CCSER1: variants seen among roughly 807,000 people sequenced by gnomAD.
CCSER1 encodes coiled-coil serine rich protein 1.
A neutral mutation model predicts 82.0 loss-of-function variants in CCSER1; 41 were observed. That is an observed-to-expected ratio of 0.50 (90% CI 0.39 to 0.65). The LOEUF is 0.65. Among genes scored for constraint, CCSER1 ranks in the 30% least tolerant of loss-of-function variants. The pLI is 0.00. For synonymous variants in CCSER1, 414 were observed against 383.9 expected, an observed-to-expected ratio of 1.08 and a Z score of -0.92; for missense variants, 1,119 against 1,064.2, an observed-to-expected ratio of 1.05 and a Z score of -0.72.
At chr4:90,217,518 A>G (rs1578549076) in intron 1 of CCSER1, among the ~76,000 whole-genome samples, 1 of 152,020 alleles carries the variant, frequency 6.6e-6, no homozygotes, top group Non-Finnish European at 1.5e-5. Context: ...CTTTCTAGGT[A>G]TAGAATTATA....
intron 5 of CCSER1, among the ~76,000 whole-genome samples, chr4:90,560,837 A>AT (rs1368609111): frequency 2.0e-5 from 3 of 152,132 alleles, no homozygotes; most frequent in African/African-American, 7.2e-5. Context: ...AAGACTGAAA[A>AT]TGTTGCTAAT....
chr4:90,938,050 A>C (rs1269709869), intron 9 of CCSER1, among the ~76,000 whole-genome samples: 1 of 152,122 alleles, frequency 6.6e-6, no homozygotes, highest in Non-Finnish European at 1.5e-5. Flanking sequence ...CTTGCAAATT[A>C]TACTTCTTTT....
At chr4:90,829,067 G>A (rs1760819934) in intron 8 of CCSER1, among the ~76,000 whole-genome samples, 1 of 152,034 alleles carries the variant, frequency 6.6e-6, no homozygotes, top group Admixed American at 6.6e-5. Flanking sequence ...GAGGAAAACA[G>A]AGCTATGAAA....
At chr4:90,627,650 C>T (rs1455868617) in intron 5 of CCSER1, among the ~76,000 whole-genome samples, 1 of 151,964 alleles carries the variant, frequency 6.6e-6, no homozygotes, top group East Asian at 1.9e-4. Context: ...TGAACCATTT[C>T]ATAATTTCTA....
intron 4 of CCSER1, among the ~76,000 whole-genome samples, chr4:90,413,347 C>T (rs902094519): frequency 6.6e-6 from 1 of 152,094 alleles, no homozygotes. Flanking sequence ...ATGGGTAGAA[C>T]CATTATCGTG....
chr4:90,450,821 C>T (rs1560536860), intron 4 of CCSER1, among the ~76,000 whole-genome samples: 1 of 152,090 alleles, frequency 6.6e-6, no homozygotes, highest in Non-Finnish European at 1.5e-5. Context: ...TGCGATTGGG[C>T]CTCTGATAGT....
intron 2 of CCSER1, among the ~76,000 whole-genome samples, chr4:90,310,644 T>C (rs1305037300): frequency 6.6e-6 from 1 of 152,144 alleles, no homozygotes; most frequent in African/African-American, 2.4e-5. Context: ...TTTCCCATTT[T>C]ACAAATGTGA....
At chr4:90,272,528 A>G (rs937964599) in intron 1 of CCSER1, among the ~76,000 whole-genome samples, 1 of 152,180 alleles carries the variant, frequency 6.6e-6, no homozygotes, top group Non-Finnish European at 1.5e-5. Context: ...AAATAGAGCT[A>G]CCATATGACC....
intron 4 of CCSER1, among the ~76,000 whole-genome samples, chr4:90,411,673 T>A (rs1754841440): frequency 6.6e-6 from 1 of 152,192 alleles, no homozygotes; most frequent in Non-Finnish European, 1.5e-5. Flanking sequence ...TCATACTGAA[T>A]GGACAAAAAC....
At chr4:90,180,602 T>C (rs1208039933) in intron 1 of CCSER1, among the ~76,000 whole-genome samples, 1 of 151,720 alleles carries the variant, frequency 6.6e-6, no homozygotes, top group Non-Finnish European at 1.5e-5. Flanking sequence ...AAAAAAAAAT[T>C]TGTTTATCTC....
intron 10 of CCSER1, among the ~76,000 whole-genome samples, chr4:91,217,880 C>CTAGATATA (rs1737387553): frequency 6.6e-6 from 1 of 152,264 alleles, no homozygotes; most frequent in Non-Finnish European, 1.5e-5. Context: ...CCACTCCCCA[C>CTAGATATA]CAGACTCAGG....
At chr4:90,998,158 G>T (rs939757349) in intron 9 of CCSER1, among the ~76,000 whole-genome samples, 6 of 151,712 alleles carry the variant, frequency 4.0e-5, no homozygotes, top group African/African-American at 1.5e-4. Context: ...TTGGCTCACC[G>T]CAACCTCTGC....
At chr4:90,276,330 T>C in intron 1 of CCSER1, among the ~76,000 whole-genome samples, 1 of 143,982 alleles carries the variant, frequency 6.9e-6, no homozygotes, top group African/African-American at 2.7e-5. Context: ...TCTTTCTTTC[T>C]TTCTTTCTTC....
At chr4:91,079,843 G>T (rs1722492447) in intron 9 of CCSER1, among the ~76,000 whole-genome samples, 1 of 152,096 alleles carries the variant, frequency 6.6e-6, no homozygotes, top group African/African-American at 2.4e-5. Context: ...ATGGTAAAGG[G>T]ATCAATTCAA....
intron 9 of CCSER1, among the ~76,000 whole-genome samples, chr4:90,979,761 G>A (rs1476100719): frequency 1.3e-5 from 2 of 151,768 alleles, no homozygotes; most frequent in South Asian, 2.1e-4. Flanking sequence ...AATCGACCGC[G>A]ATGAATAGAG....
chr4:90,182,609 CT>C (rs1733921340), intron 1 of CCSER1, among the ~76,000 whole-genome samples: 1 of 152,060 alleles, frequency 6.6e-6, no homozygotes, highest in Non-Finnish European at 1.5e-5. Flanking sequence ...ATTATTAAAG[CT>C]TTTCTTATTT....
chr4:90,896,528 T>A (rs1324890267), intron 8 of CCSER1, among the ~76,000 whole-genome samples: 2 of 151,850 alleles, frequency 1.3e-5, no homozygotes, highest in Non-Finnish European at 2.9e-5. Flanking sequence ...GGGAAATTGG[T>A]ATAATAGACA....
chr4:90,659,084 C>CTTTT (rs3042301), intron 6 of CCSER1, among the ~76,000 whole-genome samples: 8 of 138,068 alleles, frequency 5.8e-5, no homozygotes, highest in East Asian at 2.1e-4. Flanking sequence ...TATGAGAGGG[C>CTTTT]TTTTTTTTTT....
At chr4:91,096,896 A>C (rs1724565713) in intron 10 of CCSER1, among the ~76,000 whole-genome samples, 1 of 152,144 alleles carries the variant, frequency 6.6e-6, no homozygotes, top group Admixed American at 6.6e-5. Flanking sequence ...TCAAAACCAA[A>C]ACCAAAGTAT....
Sources: gnomAD v4.1 joint callset for allele counts (sites outside exome capture counted in the v4.1 genomes callset) on GRCh38, gnomAD v4.1.1 for gene constraint, MANE v1.5 for transcripts, NCBI Gene and HGNC (gene_info 2026-07-23, HGNC 2026-07-21) for gene names.